The following RAB6B variants were observed in gnomAD, a reference collection of about 807,000 sequenced individuals.
RAB6B encodes RAB6B, member RAS oncogene family.
In RAB6B, 7 loss-of-function variants were observed where a neutral mutation model predicts 31.2. The observed-to-expected ratio is 0.22, with a 90% confidence interval of 0.13 to 0.42. RAB6B has a LOEUF of 0.42. RAB6B is among the 10% of genes least tolerant of loss of function. The probability of loss-of-function intolerance (pLI) is 1.00; values close to 1 mark genes in which losing one functional copy is unlikely to be tolerated. For synonymous variants in RAB6B, 105 were observed against 104.9 expected (o/e 1.00, Z -0.01); for missense variants, 149 against 280.6 (o/e 0.53, Z 3.35).
intron 1 of RAB6B, among the ~76,000 whole-genome samples, chr3:133,883,613 C>T (rs1936498889): frequency 6.6e-6 from 1 of 152,198 alleles, no homozygotes; most frequent in Admixed American, 6.5e-5. Context: ...CTTGCTTCCC[C>T]TGTTTGCCCT....
At chr3:133,832,335 C>T (rs935543985) in intron 7 of RAB6B, among the ~76,000 whole-genome samples, 2 of 151,966 alleles carry the variant, frequency 1.3e-5, no homozygotes, top group African/African-American at 4.8e-5. Context: ...TTGGCCAGAG[C>T]GGCCCTGAGG....
intron 1 of RAB6B, among the ~76,000 whole-genome samples, chr3:133,872,459 C>T (rs1122791): frequency 0.086 from 13,061 of 152,310 alleles, 1,187 homozygotes; most frequent in African/African-American, 0.24. Context: ...GAGGTACGGC[C>T]CCCAGGCCCT....
intron 1 of RAB6B, among the ~76,000 whole-genome samples, chr3:133,877,363 A>AGGG (rs1936411115): frequency 6.6e-6 from 1 of 152,212 alleles, no homozygotes; most frequent in South Asian, 2.1e-4. Flanking sequence ...GACTAGAGGA[A>AGGG]ACAGTGCTTG....
intron 1 of RAB6B, among the ~76,000 whole-genome samples, chr3:133,889,442 A>ATATATT (rs1936606374): frequency 4.6e-5 from 4 of 87,818 alleles, no homozygotes; most frequent in African/African-American, 9.0e-5. Flanking sequence ...ATATATATAT[A>ATATATT]TATTTATTTT....
intron 7 of RAB6B, 90 bp downstream of exon 7, chr3:133,834,485 T>C (rs1390288542): frequency 1.4e-6 from 2 of 1,393,638 alleles, no homozygotes; most frequent in East Asian, 4.6e-5. Context: ...GGGCGGGGAC[T>C]GGGCGAGTGT....
intron 7 of RAB6B, among the ~76,000 whole-genome samples, chr3:133,832,311 G>C (rs1286993015): frequency 6.6e-6 from 1 of 152,120 alleles, no homozygotes; most frequent in African/African-American, 2.4e-5. Context: ...GGAGGGTGCT[G>C]CTGGGCAGAA....
At chr3:133,849,856 A>C (rs1404620445) in intron 2 of RAB6B, among the ~76,000 whole-genome samples, 1 of 152,236 alleles carries the variant, frequency 6.6e-6, no homozygotes, top group Non-Finnish European at 1.5e-5. Flanking sequence ...TAAGGACAGA[A>C]TAGAAACAAG....
At chr3:133,857,609 C>T (rs957243468) in intron 2 of RAB6B, among the ~76,000 whole-genome samples, 18 of 152,152 alleles carry the variant, frequency 1.2e-4, no homozygotes, top group Admixed American at 8.5e-4. Flanking sequence ...ACTCTGCCTC[C>T]GTTCTACATT....
intron 7 of RAB6B, 70 bp downstream of exon 7, chr3:133,834,505 G>T: frequency 6.7e-7 from 1 of 1,497,090 alleles, no homozygotes; most frequent in Non-Finnish European, 9.3e-7. Flanking sequence ...TCTGTCCACT[G>T]CACTAACATA....
chr3:133,876,548 T>C (rs1052817674), intron 1 of RAB6B, among the ~76,000 whole-genome samples: 1 of 152,030 alleles, frequency 6.6e-6, no homozygotes, highest in African/African-American at 2.4e-5. Context: ...CAAATTTGCT[T>C]ACAAAAAAAA....
intron 1 of RAB6B, among the ~76,000 whole-genome samples, chr3:133,867,073 T>C (rs553961571): frequency 6.0e-4 from 91 of 152,264 alleles, no homozygotes; most frequent in African/African-American, 2.0e-3. Context: ...AACTTGGAAA[T>C]CCCTGCAACA....
intron 4 of RAB6B, among the ~76,000 whole-genome samples, chr3:133,840,783 C>G (rs1025697195): frequency 6.6e-6 from 1 of 151,876 alleles, no homozygotes; most frequent in African/African-American, 2.4e-5. Context: ...GCCTGAAGAG[C>G]CACAGTACTG....
intron 2 of RAB6B, among the ~76,000 whole-genome samples, chr3:133,847,497 T>C (rs1365861361): frequency 6.6e-6 from 1 of 152,220 alleles, no homozygotes; most frequent in African/African-American, 2.4e-5. Context: ...ACTCACTCTT[T>C]CCTTTCATCC....
chr3:133,872,561 C>T (rs1936341541), intron 1 of RAB6B, among the ~76,000 whole-genome samples: 1 of 152,200 alleles, frequency 6.6e-6, no homozygotes, highest in Non-Finnish European at 1.5e-5. Flanking sequence ...AAAGTCCAGC[C>T]CTATTCTTCC....
In RAB6B at chr3:133,827,746, ACCCCCCCCC is replaced by A; in HGVS notation, c.*1033_*1041del. ...TCAAGGTGGTGGTTCTGCAGACAACACCCCCCCCCCCCCCCGCCTCCCCATCACAGAGGA... is the reference window on the plus strand; with the variant it reads ...TCAAGGTGGTGGTTCTGCAGACAACACCCCCCGCCTCCCCATCACAGAGGA... On this transcript the variant is annotated 3_prime_UTR_variant, in exon 8 of 8. Transcript: ENST00000285208. 4 of 72,114 alleles carry A rather than the reference ACCCCCCCCC, an allele frequency of 5.5e-5. 2 individuals carry two copies. The highest frequency in any genetic ancestry group is 2.4e-4 in the South Asian group (2 of 8,432). 4.5% of individuals were successfully genotyped at this position (72,114 alleles called of 1,614,324 possible).
At chr3:133,859,223 C>T (rs1237456585) in intron 2 of RAB6B, among the ~76,000 whole-genome samples, 1 of 152,254 alleles carries the variant, frequency 6.6e-6, no homozygotes, top group Non-Finnish European at 1.5e-5. Flanking sequence ...AAGCAATCCT[C>T]TGGCCTTGGC....
chr3:133,843,606 G>A (rs1935867743), intron 2 of RAB6B, among the ~76,000 whole-genome samples: 1 of 152,220 alleles, frequency 6.6e-6, no homozygotes, highest in Non-Finnish European at 1.5e-5. Context: ...ACTGCTGGTT[G>A]TCCCCAGTAT....
intron 2 of RAB6B, among the ~76,000 whole-genome samples, chr3:133,845,844 G>C (rs1280049982): frequency 1.3e-5 from 2 of 151,244 alleles, no homozygotes; most frequent in Non-Finnish European, 2.9e-5. Context: ...AGTAGACAAA[G>C]ACTTTAAAAC....
At chr3:133,857,429 A>G (rs1317138162) in intron 2 of RAB6B, among the ~76,000 whole-genome samples, 675 of 37,682 alleles carry the variant, frequency 0.018, 7 homozygotes, top group South Asian at 0.12. Context: ...TTGAAGGGAA[A>G]AAAAAAAAAA....
Sources: allele counts gnomAD v4.1 joint callset (sites outside exome capture counted in the v4.1 genomes callset), GRCh38; gene constraint gnomAD v4.1.1; transcripts MANE v1.5; gene names NCBI Gene and HGNC (gene_info 2026-07-23, HGNC 2026-07-21).